Variants in CEP120 observed in about 807,000 individuals in gnomAD.
CEP120 encodes the protein centrosomal protein of 120 kDa.
Under a neutral mutation model 126.5 loss-of-function variants are expected in CEP120, and 113 were observed. The observed-to-expected ratio is 0.89, with a 90% CI of 0.77 to 1.04. The LOEUF (loss-of-function observed/expected upper bound fraction) is 1.04. CEP120 is among the 50% of genes least tolerant of loss of function. CEP120 has a pLI of 0.00. For missense variants in CEP120, 1,230 were observed against 1,155.7 expected, an observed-to-expected ratio of 1.06 and a Z score of -0.93; for synonymous variants, 400 against 394.3, an observed-to-expected ratio of 1.01 and a Z score of -0.17.
intron 1 of CEP120, among the ~76,000 whole-genome samples, chr5:123,419,774 G>A (rs528578838): frequency 2.0e-3 from 312 of 152,196 alleles, no homozygotes; most frequent in Non-Finnish European, 3.8e-3. Context: ...GGTACAAAAT[G>A]AGTAAAACAG....
chr5:123,386,686 A>G lies in CEP120; in HGVS notation c.1431-19T>C. On this transcript the variant is annotated intron_variant, in intron 9 of 19. Coordinates refer to ENST00000306467, the MANE Select transcript of CEP120 (RefSeq NM_001375405.1). ...TGAGTACCTAGAATTTAAAAAAAAA[A>G]AAAAAAAAAAAAGCCTTAATGATAT... is the stretch of plus-strand genomic sequence containing the variant. 2 of 1,428,634 alleles carry G rather than the reference A, an allele frequency of 1.4e-6. No homozygotes were observed. Among genetic ancestry groups the G allele is most frequent in the Non-Finnish European group, 1.8e-6 (2 of 1,084,908 alleles). The allele number at this position is 1,428,634 out of a possible 1,614,324, so 88.5% of individuals were successfully genotyped here.
At chr5:123,374,991 TC>T (rs1771110736) in intron 16 of CEP120, among the ~76,000 whole-genome samples, 1 of 152,138 alleles carries the variant, frequency 6.6e-6, no homozygotes, top group African/African-American at 2.4e-5. Flanking sequence ...AGATACTTCA[TC>T]TTCATCAGCT....
At chr5:123,417,937 T>G (rs920800022) in intron 2 of CEP120, among the ~76,000 whole-genome samples, 3 of 152,198 alleles carry the variant, frequency 2.0e-5, no homozygotes, top group African/African-American at 7.2e-5. Flanking sequence ...GCAAAGTACT[T>G]TAAAAATTTC....
rs758933551 is a variant in CEP120 at position 123,399,188 on chromosome 5, G to A, written c.560C>T (p.Thr187Ile). The A allele has an allele frequency of 1.1e-4, 176 of 1,613,828 alleles. No homozygotes were observed. The highest frequency in any genetic ancestry group is 1.4e-4 in the Non-Finnish European group (168 of 1,179,840). ...GGTCACTGACATAATAAAGGAGTCA[G>A]TACAGTATTCTGCTGGTCCAATCTG... ...YHQIGPAEYC[T>I]DSFIMSVTIA... The change falls in exon 5 of 20, where the codon ACT becomes ATT. Residue 187 changes from threonine (T) to isoleucine (I), a missense_variant. Transcript: ENST00000306467.
Position 123,353,059 on chromosome 5 carries a change from A to G in CEP120, c.2581-2970T>C, listed in dbSNP as rs376464802. Among the ~76,000 whole-genome samples, 388 of 152,114 alleles carry G rather than the reference A, an allele frequency of 2.6e-3. 4 individuals are homozygous for G. Among genetic ancestry groups the G allele is most frequent in the African/African-American group, 8.8e-3 (366 of 41,570 alleles). On this transcript the variant is annotated intron_variant, in intron 18 of 19. Transcript: ENST00000306467. ...TCTAAATACATCTGTGTTATCTGCA[A>G]ATAAGGGTAGTTTTATTTTTTCCTT...
At chr5:123,360,629 A>C (rs764416497) in intron 18 of CEP120, among the ~76,000 whole-genome samples, 32 of 120,766 alleles carry the variant, frequency 2.6e-4, no homozygotes, top group Non-Finnish European at 5.4e-4. Flanking sequence ...AAAATAGCTA[A>C]AATTACTTTG....
At position 123,364,496 on chromosome 5, in the gene CEP120, CTGTT is replaced by C; in HGVS notation, c.2576_2579del (p.Lys859ArgfsTer21). 1.3e-6 allele frequency: 2 copies of C among 1,593,880 alleles called. No homozygotes were observed. The highest frequency in any genetic ancestry group is 1.7e-6 in the Non-Finnish European group (2 of 1,166,002). ...AAAGAATAAGCTATAAACTACATAC[CTGTT>C]TAAGTCTGGCAAGTTCTTTCAAAGC... On this transcript the variant is annotated frameshift_variant and splice_region_variant, in exon 18 of 20. Transcript: ENST00000306467. LOFTEE classifies it high-confidence loss of function.
At chr5:123,400,786 C>T (rs188177504) in intron 4 of CEP120, 10 of 701,392 alleles carry the variant, frequency 1.4e-5, no homozygotes, top group Non-Finnish European at 2.0e-5. Context: ...TAAACTCCCC[C>T]GCGGGTGGAC....
chr5:123,350,825 TAA>T (rs1769153316), intron 18 of CEP120, among the ~76,000 whole-genome samples: 1 of 152,204 alleles, frequency 6.6e-6, no homozygotes, highest in South Asian at 2.1e-4. Context: ...GGTCAATAGA[TAA>T]AGTCTTTTAA....
rs1254273056 is a variant in CEP120, at chr5:123,391,374, ACTTTCTC to A, written c.811-44_811-38del. 2.8e-6 allele frequency: 4 copies of A among 1,446,766 alleles called. No individual in the cohort carries two copies. In the African/African-American group the frequency reaches 4.3e-5, roughly 15 times the overall value. 89.6% of individuals were successfully genotyped at this position (1,446,766 alleles called of 1,614,324 possible). On this transcript the variant is annotated intron_variant, in intron 6 of 19. Transcript: ENST00000306467. ...GGGAAAAATCAAAATAGGGCTTTAT[ACTTTCTC>A]CTTTCTCCTAAATATCATAAACTTA...
At position 123,385,247 on chromosome 5, in the gene CEP120, A is replaced by C. The variant is rs111873756; in HGVS notation, c.1581-114T>G. The C allele has an allele frequency of 7.3e-4, 529 of 725,710 alleles. 2 individuals are homozygous for C. In the African/African-American group the frequency reaches 8.2e-3, roughly 11 times the overall value. 45.0% of individuals were successfully genotyped at this position (725,710 alleles called of 1,614,324 possible). The stretch of plus-strand genomic sequence containing the variant: ...TCAAAGATGTTTTTTGTTACCTGGA[A>C]TGTCGTCTAACACAATTGTTAGACT... On this transcript the variant is annotated intron_variant, in intron 10 of 19. Transcript: ENST00000306467.
At chr5:123,395,989 C>CTTTTTT (rs67492630) in intron 5 of CEP120, among the ~76,000 whole-genome samples, 2 of 129,998 alleles carry the variant, frequency 1.5e-5, no homozygotes. Context: ...GTCTCCATTC[C>CTTTTTT]TTTTTTTTTT....
At chr5:123,402,272 G>A (rs1251701654) in intron 4 of CEP120, 1 of 1,482,824 alleles carries the variant, frequency 6.7e-7, no homozygotes, top group Non-Finnish European at 9.2e-7. Flanking sequence ...CACTTGTGTA[G>A]GAGTGGCTGC....
intron 4 of CEP120, among the ~76,000 whole-genome samples, chr5:123,402,862 T>G (rs1773358180): frequency 6.6e-6 from 1 of 152,174 alleles, no homozygotes; most frequent in Admixed American, 6.5e-5. Flanking sequence ...TCATGAGAGC[T>G]CCTCCCTAAT....
chr5:123,356,649 A>AAATC (rs1170589915), intron 18 of CEP120, among the ~76,000 whole-genome samples: 1 of 152,004 alleles, frequency 6.6e-6, no homozygotes. Flanking sequence ...TCTTGTTACT[A>AAATC]AATCATTTTT....
chr5:123,358,747 G>A (rs1312912192), intron 18 of CEP120, among the ~76,000 whole-genome samples: 1 of 151,914 alleles, frequency 6.6e-6, no homozygotes, highest in Non-Finnish European at 1.5e-5. Flanking sequence ...CCAGTGCCAG[G>A]TGCTCTGGGT....
At chr5:123,393,186 C>A in intron 6 of CEP120, 114 bp downstream of exon 6, 2 of 917,312 alleles carry the variant, frequency 2.2e-6, no homozygotes, top group South Asian at 1.6e-5. Flanking sequence ...AGAAAGATAA[C>A]CTGTACTACT....
rs779768191 is a variant in CEP120 at position 123,418,447 on chromosome 5, C to A, written c.118G>T (p.Ala40Ser). Reference sequence around the variant, plus strand: ...TCAGTGTGGTCCACAGGATCAGTAGCCAACTGTTCTCCATCAAACTTTGCT... The same window carrying A: ...TCAGTGTGGTCCACAGGATCAGTAGACAACTGTTCTCCATCAAACTTTGCT... ...VEAKFDGEQL[A>S]TDPVDHTDQP... The change falls in exon 2 of 20, where the codon GCT becomes TCT. Residue 40 changes from alanine (A) to serine (S), a missense_variant. Physicochemically the swap from Ala to Ser is moderately conservative, Grantham distance 99 (BLOSUM62 1). Coordinates refer to ENST00000306467, the MANE Select transcript of CEP120 (RefSeq NM_001375405.1). 1.2e-5 allele frequency: 19 copies of A among 1,612,368 alleles called. No individual in the cohort carries two copies. The African/African-American group carries it at 2.5e-4, about 22-fold the overall frequency.
chr5:123,353,224 TG>T (rs1240820411), intron 18 of CEP120, among the ~76,000 whole-genome samples: 1 of 151,996 alleles, frequency 6.6e-6, no homozygotes, highest in African/African-American at 2.4e-5. Context: ...ATTTTAAGAA[TG>T]TTTTTTGTAG....
Sources: gnomAD v4.1 joint callset for allele counts (sites outside exome capture counted in the v4.1 genomes callset) on GRCh38, gnomAD v4.1.1 for gene constraint, MANE v1.5 for transcripts, NCBI Gene and HGNC (gene_info 2026-07-23, HGNC 2026-07-21) for gene names.